Variants in TCF12 observed in about 807,000 individuals in gnomAD.
TCF12 encodes the protein DNA-binding protein HTF4.
In TCF12, 45 loss-of-function variants were observed where a neutral mutation model predicts 86.0. The observed-to-expected ratio is 0.52, with a 90% confidence interval of 0.41 to 0.67. The LOEUF is 0.67. TCF12 is among the 30% of genes least tolerant of loss of function. TCF12 has a pLI of 0.00. For missense variants in TCF12, 881 were observed against 859.9 expected (o/e 1.02, Z -0.31); for synonymous variants, 330 against 299.6 (o/e 1.10, Z -1.05).
chr15:57,011,351 G>A (rs992708765), intron 3 of TCF12, among the ~76,000 whole-genome samples: 1 of 151,798 alleles, frequency 6.6e-6, no homozygotes, highest in Non-Finnish European at 1.5e-5. Flanking sequence ...ACCCCCTCTT[G>A]TTCCTGCTCT....
chr15:57,263,692 A>G (rs928415500), intron 18 of TCF12, among the ~76,000 whole-genome samples: 1 of 152,270 alleles, frequency 6.6e-6, no homozygotes, highest in South Asian at 2.1e-4. Context: ...TTGCTAGGCA[A>G]TTTCATCATT....
At chr15:57,030,118 C>T (rs2066067939) in intron 3 of TCF12, among the ~76,000 whole-genome samples, 1 of 152,030 alleles carries the variant, frequency 6.6e-6, no homozygotes, top group Non-Finnish European at 1.5e-5. Context: ...ATTACTGGGT[C>T]ATGTGATAAT....
At position 57,262,195 on chromosome 15, in the gene TCF12, A is replaced by G; in HGVS notation, c.1569A>G (p.Gln523=). Reference sequence around the variant, plus strand: ...GCACAGACCTGAACCATAAAACACAAGAAAATTATAGAGGTAACTATATTG... The same window carrying G: ...GCACAGACCTGAACCATAAAACACAGGAAAATTATAGAGGTAACTATATTG... ...TSSTDLNHKT[Q]ENYRGGLQSQ... is the part of the protein sequence containing the mutation. The change falls in exon 17 of 21, where the codon CAA becomes CAG. Residue 523 remains glutamine (Q), a synonymous_variant. Coordinates refer to ENST00000333725, the MANE Select transcript of TCF12 (RefSeq NM_207037.2). 1.2e-6 allele frequency: 2 copies of G among 1,605,796 alleles called. No individual in the cohort carries two copies. Among genetic ancestry groups the G allele is most frequent in the Non-Finnish European group, 1.7e-6 (2 of 1,173,306 alleles).
intron 5 of TCF12, among the ~76,000 whole-genome samples, chr15:57,112,816 G>A (rs1211488967): frequency 2.0e-5 from 3 of 151,998 alleles, no homozygotes; most frequent in African/African-American, 7.3e-5. Context: ...TACTTAATAA[G>A]CTTATGATGA....
At chr15:56,992,668 G>A (rs952243970) in intron 3 of TCF12, among the ~76,000 whole-genome samples, 3 of 152,120 alleles carry the variant, frequency 2.0e-5, no homozygotes, top group Non-Finnish European at 2.9e-5. Flanking sequence ...AAAATTTTGA[G>A]GACCTTGCAG....
At chr15:57,275,327 G>GGTGTGTGTGTGTGTGTGTGT (rs1171707504) in intron 19 of TCF12, among the ~76,000 whole-genome samples, 1,642 of 64,062 alleles carry the variant, frequency 0.026, 143 homozygotes, top group Middle Eastern at 0.037. Context: ...GTAAGGTAGG[G>GGTGTGTGTGTGTGTGTGTGT]GTGTGTGTGT....
chr15:56,939,084 A>C (rs566014212), intron 3 of TCF12, among the ~76,000 whole-genome samples: 8 of 151,790 alleles, frequency 5.3e-5, no homozygotes, highest in Non-Finnish European at 1.2e-4. Context: ...TTCACTCTCA[A>C]CCTGCAATAC....
intron 5 of TCF12, among the ~76,000 whole-genome samples, chr15:57,124,204 CT>C (rs1356480885): frequency 2.6e-5 from 4 of 152,114 alleles, no homozygotes; most frequent in Non-Finnish European, 5.9e-5. Flanking sequence ...ATTTTCCATT[CT>C]GTTCTAGTGG....
intron 8 of TCF12, among the ~76,000 whole-genome samples, chr15:57,223,643 GTTTTTTTTTTTTTTTTT>G (rs550493641): frequency 7.2e-5 from 5 of 69,666 alleles, no homozygotes; most frequent in African/African-American, 2.4e-4. Flanking sequence ...TACCAATGAG[GTTTTTTTTTTTTTTTTT>G]TTTTTTTTTT....
chr15:56,941,115 A>G (rs1337777715), intron 3 of TCF12, among the ~76,000 whole-genome samples: 1 of 150,826 alleles, frequency 6.6e-6, no homozygotes, highest in Non-Finnish European at 1.5e-5. Flanking sequence ...ATATAATCCC[A>G]GCACTTTGGG....
intron 3 of TCF12, among the ~76,000 whole-genome samples, chr15:56,963,136 TTTCTA>T (rs1174731130): frequency 2.6e-5 from 4 of 151,932 alleles, no homozygotes; most frequent in African/African-American, 9.7e-5. Flanking sequence ...ATTCTAGCCT[TTTCTA>T]TTATAGTACT....
At chr15:57,253,530 A>G in intron 16 of TCF12, 62 bp downstream of exon 16, 1 of 1,567,396 alleles carries the variant, frequency 6.4e-7, no homozygotes. Flanking sequence ...AATGTCTTTA[A>G]TGAAATCTTT....
At chr15:57,004,645 G>A (rs1337674128) in intron 3 of TCF12, among the ~76,000 whole-genome samples, 13 of 152,074 alleles carry the variant, frequency 8.5e-5, no homozygotes, top group African/African-American at 2.7e-4. Context: ...TCCTGACCTT[G>A]TGATCCACCT....
At chr15:57,059,309 G>C (rs2068269152) in intron 3 of TCF12, among the ~76,000 whole-genome samples, 1 of 152,128 alleles carries the variant, frequency 6.6e-6, no homozygotes, top group Non-Finnish European at 1.5e-5. Flanking sequence ...TTTCCCACAG[G>C]GATGGGCTCT....
At chr15:56,919,167 G>C (rs1448649111) in intron 1 of TCF12, 1 of 151,832 alleles carries the variant, frequency 6.6e-6, no homozygotes, top group Non-Finnish European at 1.5e-5. Flanking sequence ...CGGCGCCCAG[G>C]CTCCGGGGCG....
chr15:57,016,155 G>T (rs1459242152), intron 3 of TCF12, among the ~76,000 whole-genome samples: 3 of 152,164 alleles, frequency 2.0e-5, no homozygotes, highest in African/African-American at 7.2e-5. Flanking sequence ...TATGAAATCA[G>T]TCCCTGACTT....
At chr15:56,970,049 A>T (rs1567182609) in intron 3 of TCF12, among the ~76,000 whole-genome samples, 1 of 152,220 alleles carries the variant, frequency 6.6e-6, no homozygotes, top group African/African-American at 2.4e-5. Context: ...TTAGATTTTT[A>T]AAAAAGGTCA....
intron 8 of TCF12, among the ~76,000 whole-genome samples, chr15:57,216,093 G>C (rs2058319795): frequency 6.6e-6 from 1 of 152,102 alleles, no homozygotes; most frequent in South Asian, 2.1e-4. Flanking sequence ...GTTTAGGTCT[G>C]TGCTTAATGA....
chr15:57,014,062 G>A (rs1453908855), intron 3 of TCF12, among the ~76,000 whole-genome samples: 4 of 152,138 alleles, frequency 2.6e-5, no homozygotes, highest in Non-Finnish European at 4.4e-5. Flanking sequence ...GTTGTGTTGC[G>A]ATGATCTAGG....
Sources: gnomAD v4.1 joint callset for allele counts (sites outside exome capture counted in the v4.1 genomes callset) on GRCh38, gnomAD v4.1.1 for gene constraint, MANE v1.5 for transcripts, NCBI Gene and HGNC (gene_info 2026-07-23, HGNC 2026-07-21) for gene names.